PCDHGB7: variants seen among roughly 807,000 people sequenced by gnomAD.
The protein encoded by PCDHGB7 is protocadherin gamma subfamily B, 7, also known as protocadherin gamma-B7.
PCDHGB7 carries 37 observed loss-of-function variants against 61.4 expected under a neutral mutation model. The observed-to-expected ratio is 0.60, with a 90% CI of 0.46 to 0.79. PCDHGB7 has a LOEUF of 0.79. Ranked by LOEUF, PCDHGB7 falls within the 30% of genes least tolerant of loss-of-function variation. The pLI is 0.00. For synonymous variants in PCDHGB7, 464 were observed against 503.5 expected, an observed-to-expected ratio of 0.92 and a Z score of 1.05; for missense variants, 1,166 against 1,202.5, an observed-to-expected ratio of 0.97 and a Z score of 0.45.
At chr5:141,492,240 C>T (rs1031016944) in intron 1 of PCDHGB7, among the ~76,000 whole-genome samples, 1 of 152,242 alleles carries the variant, frequency 6.6e-6, no homozygotes, top group African/African-American at 2.4e-5. Flanking sequence ...CTGCTGGCCA[C>T]CCCCACGGCC....
In PCDHGB7 at chr5:141,423,081, C is replaced by T. The variant is rs1393904828; in HGVS notation, c.2415+2807C>T. 3.1e-6 allele frequency: 5 copies of T among 1,613,966 alleles called. No individual in the cohort carries two copies. The African/African-American group carries it at 4.0e-5, about 13-fold the overall frequency. ...TTAAGGCCAGCGAGCCGGGACTCTT[C>T]GCGGTGGGGGAGCACACGGGCGAGG... is the stretch of plus-strand genomic sequence containing the variant. On this transcript the variant is annotated intron_variant, in intron 1 of 3. Coordinates refer to ENST00000398594, the MANE Select transcript of PCDHGB7 (RefSeq NM_018927.4).
rs1686238986 is a variant in PCDHGB7 at position 141,431,536 on chromosome 5, G to A, written c.2415+11262G>A. The A allele has an allele frequency of 6.2e-7, 1 of 1,614,070 alleles. No homozygotes were observed. Among genetic ancestry groups the A allele is most frequent in the African/African-American group, 1.3e-5 (1 of 75,064 alleles). On this transcript the variant is annotated intron_variant, in intron 1 of 3. Transcript: ENST00000398594. The surrounding 1 kb of genome is among the most constrained non-coding windows in gnomAD (Gnocchi z 4.8). ...TTCCGGAGAATCTGGCCTTGGGCAC[G>A]CAGCTGCTTGTAGTCAACGCTACCG... is the stretch of plus-strand genomic sequence containing the variant.
chr5:141,461,813 C>T (rs2099023751), intron 1 of PCDHGB7, among the ~76,000 whole-genome samples: 1 of 151,846 alleles, frequency 6.6e-6, no homozygotes, highest in African/African-American at 2.4e-5. Flanking sequence ...ACCACCACAC[C>T]CAGCTAATTT....
intron 1 of PCDHGB7, chr5:141,423,314 T>C: frequency 6.2e-7 from 1 of 1,614,178 alleles, no homozygotes; most frequent in Non-Finnish European, 8.5e-7. Context: ...TACTTGGTGG[T>C]GGCGGTGGCC....
At chr5:141,498,222 T>A (rs1258826914) in intron 2 of PCDHGB7, among the ~76,000 whole-genome samples, 1 of 152,218 alleles carries the variant, frequency 6.6e-6, no homozygotes, top group East Asian at 1.9e-4. Flanking sequence ...GCATTCCAGA[T>A]GGTCAGGCAT....
Position 141,431,709 on chromosome 5 carries a change from T to G in PCDHGB7, c.2415+11435T>G, listed in dbSNP as rs1561854893. ...CACGAGGAGTCAGGATTCTACCAGA[T>G]GGAAGTGCAAGCAATGGATAATGCA... On this transcript the variant is annotated intron_variant, in intron 1 of 3. Coordinates refer to ENST00000398594, the MANE Select transcript of PCDHGB7 (RefSeq NM_018927.4). The surrounding 1 kb of genome is among the most constrained non-coding windows in gnomAD (Gnocchi z 4.8). The G allele has an allele frequency of 6.2e-7, 1 of 1,614,168 alleles. No individual in the cohort carries two copies. Among genetic ancestry groups the G allele is most frequent in the Middle Eastern group, 1.6e-4 (1 of 6,062 alleles).
Position 141,505,432 on chromosome 5 carries a change from C to T in PCDHGB7, c.2514C>T (p.Asn838=), listed in dbSNP as rs776731214. Residue 838 remains asparagine, a synonymous_variant, in exon 3 of 4, where the codon AAC becomes AAT. Transcript: ENST00000398594. ...ATGACACCGGCACCTGGCCCAACAA[C>T]CAGTTTGACACAGAGATGCTGCAAG... ...NGDDTGTWPN[N]QFDTEMLQAM... 6.2e-7 allele frequency: 1 copy of T among 1,614,252 alleles called. No homozygotes were observed. Among genetic ancestry groups the T allele is most frequent in the Non-Finnish European group, 8.5e-7 (1 of 1,180,048 alleles).
chr5:141,490,942 C>G lies in PCDHGB7; in HGVS notation c.2416-3865C>G. 1 of 1,613,644 alleles carries G rather than the reference C, an allele frequency of 6.2e-7. No individual in the cohort carries two copies. Among genetic ancestry groups the G allele is most frequent in the Non-Finnish European group, 8.5e-7 (1 of 1,179,760 alleles). On this transcript the variant is annotated intron_variant, in intron 1 of 3. Transcript: ENST00000398594. This position sits in a 1 kb window ranked among gnomAD's most constrained non-coding sequence, Gnocchi z 5.4. ...TAATGCCCCAGCTGTGCTGCACCCA[C>G]GGCCAGACTGGGAACACTCAGCCCC...
At chr5:141,423,173 A>T (rs2096717258) in intron 1 of PCDHGB7, 1 of 1,613,330 alleles carries the variant, frequency 6.2e-7, no homozygotes, top group South Asian at 1.1e-5. Flanking sequence ...GCCGTCCAGG[A>T]CCACGGCCAG....
chr5:141,437,371 A>C (rs887976412), intron 1 of PCDHGB7, among the ~76,000 whole-genome samples: 1 of 152,262 alleles, frequency 6.6e-6, no homozygotes, highest in African/African-American at 2.4e-5. Context: ...GAATGTAATC[A>C]GTCAGAAGAC....
At chr5:141,464,944 G>T (rs1379789566) in intron 1 of PCDHGB7, among the ~76,000 whole-genome samples, 1 of 151,826 alleles carries the variant, frequency 6.6e-6, no homozygotes, top group African/African-American at 2.4e-5. Context: ...GTCTCACTAT[G>T]TTGCCCAGGC....
rs1022516458 is a variant in PCDHGB7, at chr5:141,476,612, A to G, written c.2416-18195A>G. The G allele has an allele frequency of 1.2e-6, 2 of 1,614,236 alleles. No individual in the cohort carries two copies. The highest frequency in any genetic ancestry group is 2.2e-5 in the South Asian group (2 of 91,080). ...GAGCGCGCACGATCCCGATGTGGGA[A>G]GCAACTCTTTACAAACCTATGAGCT... On this transcript the variant is annotated intron_variant, in intron 1 of 3. Transcript: ENST00000398594. The surrounding 1 kb of genome is among the most constrained non-coding windows in gnomAD (Gnocchi z 7.6).
rs1231863269 is a variant in PCDHGB7 at position 141,485,594 on chromosome 5, G to A, written c.2416-9213G>A. 1.9e-6 allele frequency: 3 copies of A among 1,612,578 alleles called. No individual in the cohort carries two copies. The highest frequency in any genetic ancestry group is 2.5e-6 in the Non-Finnish European group (3 of 1,178,798). On this transcript the variant is annotated intron_variant, in intron 1 of 3. Transcript: ENST00000398594. The surrounding 1 kb of genome is among the most constrained non-coding windows in gnomAD (Gnocchi z 5.7). ...TTTTCCGCGGCAGCAGCTGGACTTGGAAATTGGGGAGGCAGCTCCTCCAGG... is the reference window on the plus strand; with the variant it reads ...TTTTCCGCGGCAGCAGCTGGACTTGAAAATTGGGGAGGCAGCTCCTCCAGG...
At position 141,420,290 on chromosome 5, in the gene PCDHGB7, T is replaced by C. The variant is rs563124810; in HGVS notation, c.2415+16T>C. 1.3e-5 allele frequency: 19 copies of C among 1,496,908 alleles called. No individual in the cohort carries two copies. The East Asian group carries it at 3.9e-4, about 30-fold the overall frequency. 92.7% of individuals were successfully genotyped at this position (1,496,908 alleles called of 1,614,324 possible). A position where few individuals can be genotyped will look rare whatever the true frequency, so the allele number is the denominator to read the frequency against. ...TCTTAAACAGGTAAGTATTTAAAAA[T>C]GTATTTAATCCTTTTTATATTACAA... On this transcript the variant is annotated intron_variant, in intron 1 of 3. Transcript: ENST00000398594.
Position 141,419,826 on chromosome 5 carries a change from C to T in PCDHGB7, c.1967C>T (p.Ala656Val). ...VRDGGQPPLS[A>V]TATLHLVFAD... ...GATGGAGGACAGCCACCCCTTTCAG[C>T]CACTGCCACGCTGCACCTGGTGTTC... The change falls in exon 1 of 4, where the codon GCC (alanine) becomes GTC (valine). Residue 656 changes from alanine to valine, a missense_variant. Transcript: ENST00000398594. 1 of 1,614,066 alleles carries T rather than the reference C, an allele frequency of 6.2e-7. No individual in the cohort carries two copies. Among genetic ancestry groups the T allele is most frequent in the Non-Finnish European group, 8.5e-7 (1 of 1,179,892 alleles).
chr5:141,489,335 G>T lies in PCDHGB7; in HGVS notation c.2416-5472G>T. On this transcript the variant is annotated intron_variant, in intron 1 of 3. Transcript: ENST00000398594. This position sits in a 1 kb window ranked among gnomAD's most constrained non-coding sequence, Gnocchi z 4.5. ...TGGGGCTGGGTGTCTGGGCAGCTTC[G>T]TTACTCAGTGGTGGAGGAGTCTGAG... 1.2e-6 allele frequency: 2 copies of T among 1,607,364 alleles called. No individual in the cohort carries two copies. The highest frequency in any genetic ancestry group is 1.7e-6 in the Non-Finnish European group (2 of 1,175,842).
At chr5:141,434,136 TC>T (rs2097674430) in intron 1 of PCDHGB7, among the ~76,000 whole-genome samples, 1 of 152,246 alleles carries the variant, frequency 6.6e-6, no homozygotes, top group Non-Finnish European at 1.5e-5. Context: ...TAGGCTGATT[TC>T]TATGTCCTTT....
chr5:141,431,830 C>G lies in PCDHGB7; in HGVS notation c.2415+11556C>G, dbSNP rs1354008481. 1 of 1,614,078 alleles carries G rather than the reference C, an allele frequency of 6.2e-7. No homozygotes were observed. The highest frequency in any genetic ancestry group is 8.5e-7 in the Non-Finnish European group (1 of 1,180,034). The stretch of plus-strand genomic sequence containing the variant: ...TCACCTCTCTCGCCAGCTCGGTTCC[C>G]GAAAACTCTCCCAGAGGGACATTAA... On this transcript the variant is annotated intron_variant, in intron 1 of 3. Coordinates refer to ENST00000398594, the MANE Select transcript of PCDHGB7 (RefSeq NM_018927.4). This position sits in a 1 kb window ranked among gnomAD's most constrained non-coding sequence, Gnocchi z 4.8.
chr5:141,491,361 C>T lies in PCDHGB7; in HGVS notation c.2416-3446C>T. 1 of 1,614,132 alleles carries T rather than the reference C, an allele frequency of 6.2e-7. No homozygotes were observed. The highest frequency in any genetic ancestry group is 8.5e-7 in the Non-Finnish European group (1 of 1,179,982). ...CGACCGTCAGTCTCTTATCCCTAGT[C>T]ACCTTCACCTTTCTGTCAGCGAAGT... On this transcript the variant is annotated intron_variant, in intron 1 of 3. Transcript: ENST00000398594. The surrounding 1 kb of genome is among the most constrained non-coding windows in gnomAD (Gnocchi z 6.9).
Sources: allele counts gnomAD v4.1 joint callset (sites outside exome capture counted in the v4.1 genomes callset), GRCh38; gene constraint gnomAD v4.1.1; non-coding constraint Gnocchi (gnomAD v3.1); transcripts MANE v1.5; gene names NCBI Gene and HGNC (gene_info 2026-07-23, HGNC 2026-07-21).